Variants in ABI3BP observed in about 807,000 individuals in gnomAD.
ABI3BP encodes the protein ABI family member 3 binding protein.
Under a neutral mutation model 268.6 loss-of-function variants are expected in ABI3BP, and 216 were observed. That is an observed-to-expected ratio of 0.80 (90% CI 0.72 to 0.90). The LOEUF (loss-of-function observed/expected upper bound fraction) is 0.90, where lower values mean the gene tolerates loss of function less well. Among genes scored for constraint, ABI3BP ranks in the 40% least tolerant of loss-of-function variants. The pLI, the probability that ABI3BP is intolerant of heterozygous loss-of-function variation, is 0.00. For missense variants in ABI3BP, 2,090 were observed against 2,182.4 expected (o/e 0.96, Z 0.84); for synonymous variants, 730 against 730.0 (o/e 1.00, Z 0.00).
chr3:100,832,188 T>C, intron 31 of ABI3BP, 76 bp downstream of exon 31: 3 of 1,374,186 alleles, frequency 2.2e-6, no homozygotes, highest in Non-Finnish European at 3.0e-6. Context: ...ACACAATAGA[T>C]TATATGTACA....
intron 1 of ABI3BP, among the ~76,000 whole-genome samples, chr3:100,978,660 A>G (rs1047352800): frequency 6.6e-6 from 1 of 152,182 alleles, no homozygotes; most frequent in African/African-American, 2.4e-5. Context: ...CTATCAGCTA[A>G]ATTTTTTTCT....
Position 100,834,736 on chromosome 3 carries a change from T to G in ABI3BP, c.2229A>C (p.Pro743=), listed in dbSNP as rs1215930552. The G allele has an allele frequency of 6.5e-7, 1 of 1,535,758 alleles. No individual in the cohort carries two copies. Among genetic ancestry groups the G allele is most frequent in the African/African-American group, 1.4e-5 (1 of 73,134 alleles). Residue 743 remains proline, a synonymous_variant, in exon 29 of 68, where the codon CCA becomes CCC. Transcript: ENST00000471714. ...KTSQRTRTRR[P]RPKHKTTPRP... is the part of the protein sequence containing the mutation. ...GTGGCGTGGTTTTATGTTTGGGACG[T>G]GGACGACGTGTTCTTGTTCGTTGCG...
chr3:100,977,763 A>C (rs749323642), intron 1 of ABI3BP, among the ~76,000 whole-genome samples: 2 of 152,224 alleles, frequency 1.3e-5, no homozygotes, highest in Non-Finnish European at 2.9e-5. Flanking sequence ...AGCATGAATA[A>C]CAGCAGGTGA....
chr3:100,941,534 C>T (rs1185548050), intron 1 of ABI3BP, among the ~76,000 whole-genome samples: 1 of 152,070 alleles, frequency 6.6e-6, no homozygotes, highest in African/African-American at 2.4e-5. Context: ...TATCTGTTTG[C>T]CCAGCTGTTT....
chr3:100,914,721 C>T (rs572799026), intron 2 of ABI3BP, among the ~76,000 whole-genome samples: 26 of 151,990 alleles, frequency 1.7e-4, no homozygotes, highest in Admixed American at 5.2e-4. Flanking sequence ...AGGAAGACAA[C>T]GTTAAAGGGG....
intron 36 of ABI3BP, among the ~76,000 whole-genome samples, chr3:100,824,527 C>T (rs1317676832): frequency 1.3e-5 from 2 of 152,160 alleles, no homozygotes; most frequent in Admixed American, 6.6e-5. Context: ...AAGGCACTTA[C>T]GATTATGTTT....
chr3:100,885,530 A>G lies in ABI3BP; in HGVS notation c.696+6T>C. ...AAAACATTCTTGAAAATAAACTGTTACATACCACTGTGTGGTCTTGGTCAT... is the reference window on the plus strand; with the variant it reads ...AAAACATTCTTGAAAATAAACTGTTGCATACCACTGTGTGGTCTTGGTCAT... On this transcript the variant is annotated splice_donor_region_variant and intron_variant, in intron 6 of 67. Coordinates refer to ENST00000471714, the MANE Select transcript of ABI3BP (RefSeq NM_001375547.2). 1 of 1,519,656 alleles carries G rather than the reference A, an allele frequency of 6.6e-7. No individual in the cohort carries two copies. The highest frequency in any genetic ancestry group is 8.9e-7 in the Non-Finnish European group (1 of 1,124,362). The allele number at this position is 1,519,656 out of a possible 1,614,324, so 94.1% of individuals were successfully genotyped here.
chr3:100,797,748 A>G (rs1290125256), intron 51 of ABI3BP, among the ~76,000 whole-genome samples: 1 of 152,046 alleles, frequency 6.6e-6, no homozygotes, highest in African/African-American at 2.4e-5. Flanking sequence ...AAACTGGTAC[A>G]CTGAACAGAA....
At chr3:100,864,697 T>C (rs1295832844) in intron 11 of ABI3BP, 136 bp downstream of exon 11, 15 of 652,634 alleles carry the variant, frequency 2.3e-5, no homozygotes, top group Non-Finnish European at 3.4e-5. Flanking sequence ...GGTTAACCAC[T>C]GCCAGGAAGG....
chr3:100,922,529 T>TGATGGC (rs1357548003), intron 2 of ABI3BP, among the ~76,000 whole-genome samples: 38 of 107,320 alleles, frequency 3.5e-4, no homozygotes, highest in African/African-American at 1.0e-3. Context: ...GATGCGATGG[T>TGATGGC]GATGGTGATG....
intron 23 of ABI3BP, 83 bp from the exon 24 acceptor site, chr3:100,839,699 A>G (rs1579906940): frequency 2.9e-6 from 4 of 1,375,858 alleles, no homozygotes; most frequent in South Asian, 1.2e-5. Flanking sequence ...AAGCTGGGAC[A>G]CTACCTAAAT....
intron 2 of ABI3BP, among the ~76,000 whole-genome samples, chr3:100,905,793 A>G (rs908537195): frequency 2.0e-5 from 3 of 152,186 alleles, no homozygotes; most frequent in African/African-American, 7.2e-5. Context: ...ATAAAGATAT[A>G]AAGTAAACTT....
chr3:100,820,671 T>G (rs1364452905), intron 39 of ABI3BP, among the ~76,000 whole-genome samples: 1 of 152,108 alleles, frequency 6.6e-6, no homozygotes, highest in Non-Finnish European at 1.5e-5. Flanking sequence ...ATCACATAGA[T>G]AGCAAAAATA....
In ABI3BP at chr3:100,840,174, G is replaced by T; in HGVS notation, c.1805-10C>A. On this transcript the variant is annotated splice_polypyrimidine_tract_variant and intron_variant, in intron 22 of 67. Transcript: ENST00000471714. ...TTGGTCTTTCGTGGTGCTGAAGAAA[G>T]AAAATTAGCAAGTTAATACAAGAAG... The T allele has an allele frequency of 2.0e-6, 3 of 1,519,238 alleles. No individual in the cohort carries two copies. The highest frequency in any genetic ancestry group is 2.6e-6 in the Non-Finnish European group (3 of 1,139,880). 94.1% of individuals were successfully genotyped at this position (1,519,238 alleles called of 1,614,324 possible). A position where few individuals can be genotyped will look rare whatever the true frequency, so the allele number is the denominator to read the frequency against.
Position 100,757,489 on chromosome 3 carries a change from A to G in ABI3BP, c.4851-2798T>C, listed in dbSNP as rs1033936003. Reference sequence around the variant, plus strand: ...GTTAGAAAATAGAACAATTCCTTCAAAAGTCTTCATTATATCCTAATATGT... The same window carrying G: ...GTTAGAAAATAGAACAATTCCTTCAGAAGTCTTCATTATATCCTAATATGT... On this transcript the variant is annotated intron_variant, in intron 63 of 67. Coordinates refer to ENST00000471714, the MANE Select transcript of ABI3BP (RefSeq NM_001375547.2). Among the ~76,000 whole-genome samples the G allele has an allele frequency of 8.5e-5, 13 of 152,228 alleles. No individual in the cohort carries two copies. In the South Asian group the frequency reaches 2.1e-3, roughly 24 times the overall value.
At chr3:100,960,122 G>A (rs1010059125) in intron 1 of ABI3BP, among the ~76,000 whole-genome samples, 14 of 152,028 alleles carry the variant, frequency 9.2e-5, no homozygotes, top group African/African-American at 3.1e-4. Flanking sequence ...TCATGGAAAA[G>A]GTAGACAGTA....
intron 36 of ABI3BP, among the ~76,000 whole-genome samples, chr3:100,823,931 T>A (rs1355698057): frequency 6.6e-6 from 1 of 152,180 alleles, no homozygotes; most frequent in African/African-American, 2.4e-5. Flanking sequence ...ACAGTTCATA[T>A]GTTTGATACC....
At chr3:100,816,905 T>A (rs1433393675) in intron 42 of ABI3BP, 137 bp from the exon 43 acceptor site, 1 of 657,876 alleles carries the variant, frequency 1.5e-6, no homozygotes, top group Non-Finnish European at 2.5e-6. Context: ...ATTTTGTTAA[T>A]TTTCTTAATC....
intron 51 of ABI3BP, among the ~76,000 whole-genome samples, chr3:100,797,007 G>T (rs542783742): frequency 3.3e-5 from 5 of 152,198 alleles, no homozygotes; most frequent in Admixed American, 2.6e-4. Context: ...AAAGGAATCA[G>T]CTAGTCATTA....
Sources: allele counts gnomAD v4.1 joint callset (sites outside exome capture counted in the v4.1 genomes callset), GRCh38; gene constraint gnomAD v4.1.1; transcripts MANE v1.5; gene names NCBI Gene and HGNC (gene_info 2026-07-23, HGNC 2026-07-21).